NFKB2: variants seen among roughly 807,000 people sequenced by gnomAD.
The protein encoded by NFKB2 is nuclear factor kappa B subunit 2.
Under a neutral mutation model 109.3 loss-of-function variants are expected in NFKB2, and 21 were observed. The observed-to-expected ratio is 0.19, with a 90% CI of 0.14 to 0.28. NFKB2 has a LOEUF of 0.28. NFKB2 is among the 10% of genes least tolerant of loss of function. The probability of loss-of-function intolerance (pLI) is 1.00; values close to 1 mark genes in which losing one functional copy is unlikely to be tolerated. For synonymous variants in NFKB2, 478 were observed against 489.9 expected (o/e 0.98, Z 0.32); for missense variants, 806 against 1,185.3 (o/e 0.68, Z 4.70).
At position 102,399,493 on chromosome 10, in the gene NFKB2, G is replaced by T. The variant is rs1175561541; in HGVS notation, c.1323G>T (p.Gln441His). The change falls in exon 13 of 23, where the codon CAG becomes CAT. Residue 441 changes from glutamine to histidine, a missense_variant. Physicochemically the swap from Gln to His is conservative, Grantham distance 24 (BLOSUM62 0). Coordinates refer to ENST00000661543, the MANE Select transcript of NFKB2 (RefSeq NM_001322934.2). The part of the protein sequence containing the change: ...QCEPQAPEML[Q>H]RAREYNARLF... ...AGCCGCAGGCCCCGGAGATGCTGCA[G>T]CGAGGTATGGACTCCGGGGCACGGG... is the stretch of plus-strand genomic sequence containing the variant. 1.0e-5 allele frequency: 15 copies of T among 1,498,054 alleles called. No individual in the cohort carries two copies. The highest frequency in any genetic ancestry group is 1.3e-5 in the Non-Finnish European group (15 of 1,122,396). The allele number at this position is 1,498,054 out of a possible 1,614,324, so 92.8% of individuals were successfully genotyped here.
In NFKB2 at chr10:102,400,892, G is replaced by T. The variant is rs1012328488; in HGVS notation, c.1969-55G>T. 16 of 1,583,546 alleles carry T rather than the reference G, an allele frequency of 1.0e-5. No individual in the cohort carries two copies. The African/African-American group carries it at 1.9e-4, about 19-fold the overall frequency. On this transcript the variant is annotated intron_variant, in intron 17 of 22. Coordinates refer to ENST00000661543, the MANE Select transcript of NFKB2 (RefSeq NM_001322934.2). This position sits in a 1 kb window ranked among gnomAD's most constrained non-coding sequence, Gnocchi z 6.3. ...GAGGGGCCAAAGATGGTGAAGGGGG[G>T]GGCTGGCCAAGGGGACCATGCTGTG...
At position 102,401,435 on chromosome 10, in the gene NFKB2, G is replaced by A. The variant is rs746048054; in HGVS notation, c.2224-14G>A. On this transcript the variant is annotated splice_polypyrimidine_tract_variant and intron_variant, in intron 19 of 22. Transcript: ENST00000661543. The surrounding 1 kb of genome is among the most constrained non-coding windows in gnomAD (Gnocchi z 4.2). Reference sequence around the variant, plus strand: ...CGAGGTGGGAGGTAGTCAGAACTGCGGCTGTCTCCCCAGGTGAAGACCTTG... The same window carrying A: ...CGAGGTGGGAGGTAGTCAGAACTGCAGCTGTCTCCCCAGGTGAAGACCTTG... The A allele has an allele frequency of 3.1e-5, 50 of 1,613,776 alleles. No individual in the cohort carries two copies. Among genetic ancestry groups the A allele is most frequent in the South Asian group, 2.4e-4 (22 of 91,074 alleles).
Position 102,395,773 on chromosome 10 carries a change from C to A in NFKB2, c.-96C>A. 1.6e-6 allele frequency: 1 copy of A among 642,246 alleles called. No homozygotes were observed. The highest frequency in any genetic ancestry group is 2.7e-6 in the Non-Finnish European group (1 of 365,646). The allele number at this position is 642,246 out of a possible 1,614,324, so 39.8% of individuals were successfully genotyped here. ...GCTCTCCACCGGATCTCACCCGCCA[C>A]ACCCGGACAGGCGGCTGGAGGAGGT... On this transcript the variant is annotated 5_prime_UTR_variant, in exon 1 of 23. Coordinates refer to ENST00000661543, the MANE Select transcript of NFKB2 (RefSeq NM_001322934.2).
In NFKB2 at chr10:102,400,636, G is replaced by A; in HGVS notation, c.1799-19G>A. On this transcript the variant is annotated intron_variant, in intron 16 of 22. Transcript: ENST00000661543. This position sits in a 1 kb window ranked among gnomAD's most constrained non-coding sequence, Gnocchi z 6.3. ...GCCTTAAGGGTCACAGCTGCAGGTTGAGCATCCTGCATCCTTAGGACTGTA... is the reference window on the plus strand; with the variant it reads ...GCCTTAAGGGTCACAGCTGCAGGTTAAGCATCCTGCATCCTTAGGACTGTA... 3 of 1,612,594 alleles carry A rather than the reference G, an allele frequency of 1.9e-6. 1 individual carries two copies. The highest frequency in any genetic ancestry group is 2.5e-6 in the Non-Finnish European group (3 of 1,179,022).
rs2061142053 is a variant in NFKB2 at position 102,397,695 on chromosome 10, C to A, written c.661+10C>A. ...CCCATCCATGACAGCAGTGAGTATCCTGATTGCCTGGGGTGCCAGGCCTGG... is the reference window on the plus strand; with the variant it reads ...CCCATCCATGACAGCAGTGAGTATCATGATTGCCTGGGGTGCCAGGCCTGG... On this transcript the variant is annotated intron_variant, in intron 8 of 22. Coordinates refer to ENST00000661543, the MANE Select transcript of NFKB2 (RefSeq NM_001322934.2). This position sits in a 1 kb window ranked among gnomAD's most constrained non-coding sequence, Gnocchi z 4.7. The A allele has an allele frequency of 6.3e-7, 1 of 1,597,586 alleles. No homozygotes were observed. Among genetic ancestry groups the A allele is most frequent in the Non-Finnish European group, 8.6e-7 (1 of 1,166,952 alleles).
In NFKB2 at chr10:102,401,988, C is replaced by A; in HGVS notation, c.2467-60C>A. The A allele has an allele frequency of 6.3e-7, 1 of 1,583,630 alleles. No homozygotes were observed. The highest frequency in any genetic ancestry group is 8.6e-7 in the Non-Finnish European group (1 of 1,163,408). On this transcript the variant is annotated intron_variant, in intron 21 of 22. Coordinates refer to ENST00000661543, the MANE Select transcript of NFKB2 (RefSeq NM_001322934.2). The surrounding 1 kb of genome is among the most constrained non-coding windows in gnomAD (Gnocchi z 4.2). ...TCTGAGTCCAGGTGCCTCCTTGGCC[C>A]CAGGGCTCCCGAGCACATGCCCTAA... is the stretch of plus-strand genomic sequence containing the variant.
chr10:102,395,877 C>T lies in NFKB2; in HGVS notation c.-72-11C>T. On this transcript the variant is annotated splice_polypyrimidine_tract_variant and intron_variant, in intron 1 of 22. Coordinates refer to ENST00000661543, the MANE Select transcript of NFKB2 (RefSeq NM_001322934.2). ...TGACCCCCTCCCCCACGCCACTCCT[C>T]CCAACTTTAGGCGGGCGTCTAAAAT... 2 of 1,433,318 alleles carry T rather than the reference C, an allele frequency of 1.4e-6. No individual in the cohort carries two copies. The highest frequency in any genetic ancestry group is 9.7e-7 in the Non-Finnish European group (1 of 1,028,808). The allele number at this position is 1,433,318 out of a possible 1,614,324, so 88.8% of individuals were successfully genotyped here. A position where few individuals can be genotyped will look rare whatever the true frequency, so the allele number is the denominator to read the frequency against.
In NFKB2 at chr10:102,397,867, G is replaced by A; in HGVS notation, c.662-114G>A. On this transcript the variant is annotated intron_variant, in intron 8 of 22. Transcript: ENST00000661543. This position sits in a 1 kb window ranked among gnomAD's most constrained non-coding sequence, Gnocchi z 4.7. ...TCTGTCTTTAGTAAATGTGTATATT[G>A]GGTGTTTCCTGCAGCTCCAGGGGTT... The A allele has an allele frequency of 7.9e-7, 1 of 1,259,212 alleles. No individual in the cohort carries two copies. Among genetic ancestry groups the A allele is most frequent in the Non-Finnish European group, 1.1e-6 (1 of 877,336 alleles). 78.0% of individuals were successfully genotyped at this position (1,259,212 alleles called of 1,614,324 possible). A position where few individuals can be genotyped will look rare whatever the true frequency, so the allele number is the denominator to read the frequency against.
chr10:102,398,763 G>A lies in NFKB2; in HGVS notation c.1016G>A (p.Arg339Gln), dbSNP rs577356334. 6 of 1,612,584 alleles carry A rather than the reference G, an allele frequency of 3.7e-6. No individual in the cohort carries two copies. Among genetic ancestry groups the A allele is most frequent in the East Asian group, 2.2e-5 (1 of 44,880 alleles). The change falls in exon 12 of 23, where the codon CGG becomes CAG. Residue 339 changes from arginine to glutamine, a missense_variant. Arg to Gln is a conservative substitution (Grantham distance 43). Coordinates refer to ENST00000661543, the MANE Select transcript of NFKB2 (RefSeq NM_001322934.2). This position sits in a 1 kb window ranked among gnomAD's most constrained non-coding sequence, Gnocchi z 6.6. ...GACAAGGAAGAGGTGCAGCGGAAGCGGAGGAAGGCCTTGCCCACCTTCTCC... is the reference window on the plus strand; with the variant it reads ...GACAAGGAAGAGGTGCAGCGGAAGCAGAGGAAGGCCTTGCCCACCTTCTCC... ...VEDKEEVQRKRRKALPTFSQP... is the reference protein window; with the variant it reads ...VEDKEEVQRKQRKALPTFSQP...
rs1366762881 is a variant in NFKB2 at position 102,400,383 on chromosome 10, A to G, written c.1690A>G (p.Met564Val). 1 of 1,613,524 alleles carries G rather than the reference A, an allele frequency of 6.2e-7. No homozygotes were observed. Among genetic ancestry groups the G allele is most frequent in the Non-Finnish European group, 8.5e-7 (1 of 1,180,012 alleles). Residue 564 changes from methionine to valine, a missense_variant, in exon 16 of 23, where the codon ATG becomes GTG. This residue lies in a region of NFKB2 where 163 missense variants were observed against 207.1 expected (regional missense o/e 0.79). Coordinates refer to ENST00000661543, the MANE Select transcript of NFKB2 (RefSeq NM_001322934.2). This position sits in a 1 kb window ranked among gnomAD's most constrained non-coding sequence, Gnocchi z 6.3. The stretch of plus-strand genomic sequence containing the variant: ...GCTGGATCGGCATGGAGACTCAGCC[A>G]TGCATCTGGCGCTGCGGGCAGGCGC... The part of the protein sequence containing the change: ...ALLDRHGDSA[M>V]HLALRAGAGA...
Position 102,396,066 on chromosome 10 carries a change from A to T in NFKB2, c.21+86A>T, listed in dbSNP as rs61873662. 9.5e-3 allele frequency: 14,789 copies of T among 1,560,220 alleles called. 102 individuals carry two copies. Among genetic ancestry groups the T allele is most frequent in the Non-Finnish European group, 0.011 (12,645 of 1,136,928 alleles). ...GCCCGAGCCCCCTCTGCTGCCTTACACCTGTATGCTCGCAGATGCTCTCAG... is the reference window on the plus strand; with the variant it reads ...GCCCGAGCCCCCTCTGCTGCCTTACTCCTGTATGCTCGCAGATGCTCTCAG... On this transcript the variant is annotated intron_variant, in intron 2 of 22. Transcript: ENST00000661543. This position sits in a 1 kb window ranked among gnomAD's most constrained non-coding sequence, Gnocchi z 5.9.
Position 102,397,941 on chromosome 10 carries a change from C to G in NFKB2, c.662-40C>G, listed in dbSNP as rs773053682. On this transcript the variant is annotated intron_variant, in intron 8 of 22. Coordinates refer to ENST00000661543, the MANE Select transcript of NFKB2 (RefSeq NM_001322934.2). This position sits in a 1 kb window ranked among gnomAD's most constrained non-coding sequence, Gnocchi z 4.7. ...CCCAGCTTCTTAAATGTGGCCTTGG[C>G]TATTGCATCATCTCAACTAATCCAT... 2 of 1,594,234 alleles carry G rather than the reference C, an allele frequency of 1.3e-6. No individual in the cohort carries two copies. Among genetic ancestry groups the G allele is most frequent in the Admixed American group, 3.3e-5 (2 of 59,876 alleles).
chr10:102,396,097 C>T lies in NFKB2; in HGVS notation c.21+117C>T. The T allele has an allele frequency of 2.0e-6, 3 of 1,493,368 alleles. No individual in the cohort carries two copies. Among genetic ancestry groups the T allele is most frequent in the South Asian group, 2.3e-5 (2 of 88,228 alleles). 92.5% of individuals were successfully genotyped at this position (1,493,368 alleles called of 1,614,324 possible). ...ATGCTCGCAGATGCTCTCAGCCTGC[C>T]AGTCTGTCCATCTGTCTGCAACTCT... On this transcript the variant is annotated intron_variant, in intron 2 of 22. Coordinates refer to ENST00000661543, the MANE Select transcript of NFKB2 (RefSeq NM_001322934.2). The surrounding 1 kb of genome is among the most constrained non-coding windows in gnomAD (Gnocchi z 5.9).
Position 102,400,639 on chromosome 10 carries a change from C to A in NFKB2, c.1799-16C>A. On this transcript the variant is annotated splice_polypyrimidine_tract_variant and intron_variant, in intron 16 of 22. Coordinates refer to ENST00000661543, the MANE Select transcript of NFKB2 (RefSeq NM_001322934.2). The surrounding 1 kb of genome is among the most constrained non-coding windows in gnomAD (Gnocchi z 6.3). ...TTAAGGGTCACAGCTGCAGGTTGAGCATCCTGCATCCTTAGGACTGTATCC... is the reference window on the plus strand; with the variant it reads ...TTAAGGGTCACAGCTGCAGGTTGAGAATCCTGCATCCTTAGGACTGTATCC... The A allele has an allele frequency of 6.2e-7, 1 of 1,612,556 alleles. No individual in the cohort carries two copies. The highest frequency in any genetic ancestry group is 8.5e-7 in the Non-Finnish European group (1 of 1,178,996).
In NFKB2 at chr10:102,400,432, C is replaced by G. The variant is rs373398471; in HGVS notation, c.1739C>G (p.Ala580Gly). 2 of 1,612,778 alleles carry G rather than the reference C, an allele frequency of 1.2e-6. No individual in the cohort carries two copies. Among genetic ancestry groups the G allele is most frequent in the Non-Finnish European group, 1.7e-6 (2 of 1,179,962 alleles). ...GCTGGTGCTCCTGAGCTGCTGCGTG[C>G]ACTGCTTCAGAGTGGAGCTCCTGCT... ...AGAGAPELLR[A>G]LLQSGAPAVP... Residue 580 changes from alanine (A) to glycine (G), a missense_variant, in exon 16 of 23, where the codon GCA becomes GGA. By Grantham distance (60) the Ala-to-Gly change is moderately conservative. Coordinates refer to ENST00000661543, the MANE Select transcript of NFKB2 (RefSeq NM_001322934.2). This position sits in a 1 kb window ranked among gnomAD's most constrained non-coding sequence, Gnocchi z 6.3.
chr10:102,398,472 G>A lies in NFKB2; in HGVS notation c.940G>A (p.Gly314Arg). The A allele has an allele frequency of 6.2e-7, 1 of 1,614,210 alleles. No homozygotes were observed. Among genetic ancestry groups the A allele is most frequent in the Non-Finnish European group, 8.5e-7 (1 of 1,180,042 alleles). Residue 314 changes from glycine to arginine, a missense_variant, in exon 11 of 23, where the codon GGA (glycine) becomes AGA (arginine). Around this residue, in one of 10 missense-constraint regions of NFKB2, gnomAD observed 64 missense variants for 177.4 expected, o/e 0.36. Transcript: ENST00000661543. The surrounding 1 kb of genome is among the most constrained non-coding windows in gnomAD (Gnocchi z 6.6). Reference protein sequence around the residue: ...TVFLQLKRKRGGDVSDSKQFT... With the variant: ...TVFLQLKRKRRGDVSDSKQFT... ...GTTTCTGCAACTGAAACGCAAGCGA[G>A]GAGGGGACGTGTCTGATTCCAAACA...
In NFKB2 at chr10:102,400,230, G is replaced by A; in HGVS notation, c.1584+36G>A. 6.2e-7 allele frequency: 1 copy of A among 1,613,962 alleles called. No homozygotes were observed. Among genetic ancestry groups the A allele is most frequent in the Non-Finnish European group, 8.5e-7 (1 of 1,179,928 alleles). On this transcript the variant is annotated intron_variant, in intron 15 of 22. Transcript: ENST00000661543. The surrounding 1 kb of genome is among the most constrained non-coding windows in gnomAD (Gnocchi z 6.3). ...GCCTACTGGGGAGGTGGGAGGGGTT[G>A]GAAGGCAAGTGGGTCTCGGGCCTGG... is the stretch of plus-strand genomic sequence containing the variant.
chr10:102,399,150 G>A, intron 12 of NFKB2, 138 bp from the exon 13 acceptor site: 2 of 893,758 alleles, frequency 2.2e-6, no homozygotes, highest in Admixed American at 2.5e-5. Flanking sequence ...GGAGACAAGA[G>A]GTTGCAGTAA....
chr10:102,394,504 C>T (rs1288338046), upstream of NFKB2: 1 of 152,652 alleles, frequency 6.6e-6, no homozygotes, highest in Non-Finnish European at 1.5e-5. Context: ...CGAGAAGGGG[C>T]TTTCCCGGCC....
Sources: gnomAD v4.1 joint callset for allele counts on GRCh38, gnomAD v4.1.1 for gene constraint, gnomAD v4.1.1 regional missense constraint, Gnocchi (gnomAD v3.1) non-coding constraint, MANE v1.5 for transcripts, NCBI Gene and HGNC (gene_info 2026-07-23, HGNC 2026-07-21) for gene names.